The following FAM228B variants were observed in gnomAD, a reference collection of about 807,000 sequenced individuals.
FAM228B encodes protein FAM228B.
In FAM228B, 38 loss-of-function variants were observed where a neutral mutation model predicts 42.6. That is an observed-to-expected ratio of 0.89 (90% CI 0.69 to 1.17). FAM228B has a LOEUF of 1.17. Among genes scored for constraint, FAM228B ranks in the 50% most tolerant of loss-of-function variants. FAM228B has a pLI of 0.00. For synonymous variants in FAM228B, 109 were observed against 122.3 expected (o/e 0.89, Z 0.72); for missense variants, 344 against 367.3 (o/e 0.94, Z 0.52).
At chr2:24,136,684 C>G (rs1573767516) in intron 3 of FAM228B, among the ~76,000 whole-genome samples, 1 of 152,102 alleles carries the variant, frequency 6.6e-6, no homozygotes, top group African/African-American at 2.4e-5. Context: ...TCTTAAAGGC[C>G]CAGCCCAAAT....
intron 2 of FAM228B, among the ~76,000 whole-genome samples, chr2:24,127,859 C>T (rs1268208088): frequency 6.6e-6 from 1 of 152,152 alleles, no homozygotes; most frequent in Non-Finnish European, 1.5e-5. Flanking sequence ...GTTGAGGTTT[C>T]ACCATGTTGG....
At chr2:24,149,204 T>G (rs1666965670) in intron 7 of FAM228B, among the ~76,000 whole-genome samples, 1 of 152,216 alleles carries the variant, frequency 6.6e-6, no homozygotes, top group Non-Finnish European at 1.5e-5. Flanking sequence ...AGATATCTTT[T>G]CAATAGACTG....
chr2:24,083,212 C>T, intron 2 of FAM228B: 1 of 1,489,502 alleles, frequency 6.7e-7, no homozygotes, highest in Non-Finnish European at 8.9e-7. Flanking sequence ...TGTCACTACC[C>T]CTGGCCCCCC....
intron 3 of FAM228B, among the ~76,000 whole-genome samples, chr2:24,106,160 G>A (rs1582614): frequency 1 from 152,187 of 152,196 alleles, 76,089 homozygotes; most frequent in Middle Eastern, 1. Context: ...ACACATAATC[G>A]TCAGATTCTC....
chr2:24,121,100 C>A, upstream of FAM228B: 3 of 1,590,252 alleles, frequency 1.9e-6, no homozygotes, highest in Admixed American at 1.7e-5. Flanking sequence ...TCAGGCAGAG[C>A]AAGGAAATTT....
intron 9 of FAM228B, among the ~76,000 whole-genome samples, chr2:24,165,133 T>A (rs959012354): frequency 6.6e-6 from 1 of 152,172 alleles, no homozygotes; most frequent in Admixed American, 6.5e-5. Context: ...AATGGGAATT[T>A]CTTGCATTTG....
intron 2 of FAM228B, among the ~76,000 whole-genome samples, chr2:24,132,395 A>G (rs1025799971): frequency 6.6e-6 from 1 of 151,170 alleles, no homozygotes; most frequent in East Asian, 1.9e-4. Context: ...TAGTTTCAGA[A>G]GGAATGGTAC....
intron 7 of FAM228B, among the ~76,000 whole-genome samples, chr2:24,147,534 A>T (rs1306620133): frequency 6.6e-6 from 1 of 151,910 alleles, no homozygotes; most frequent in East Asian, 1.9e-4. Flanking sequence ...AGATCACTTG[A>T]TGATGTCTCA....
intron 2 of FAM228B, among the ~76,000 whole-genome samples, chr2:24,133,647 G>A (rs759081040): frequency 6.6e-6 from 1 of 152,166 alleles, no homozygotes; most frequent in Non-Finnish European, 1.5e-5. Context: ...TGGAACATTT[G>A]TTATAAAAAT....
At chr2:24,087,889 C>T (rs1251906654) in intron 2 of FAM228B, among the ~76,000 whole-genome samples, 1 of 151,808 alleles carries the variant, frequency 6.6e-6, no homozygotes, top group Non-Finnish European at 1.5e-5. Flanking sequence ...CTGCCACGCC[C>T]AGCTAATTTT....
upstream of FAM228B, chr2:24,121,173 TA>T: frequency 6.2e-7 from 1 of 1,614,060 alleles, no homozygotes; most frequent in South Asian, 1.1e-5. Context: ...ATTTTTGGCA[TA>T]AAGAGAATAT....
At chr2:24,121,296 G>GTTCGGACA (rs1558379196), upstream of FAM228B, 1 of 1,613,964 alleles carries the variant, frequency 6.2e-7, no homozygotes, top group Admixed American at 1.7e-5. Flanking sequence ...ATCACTGGGC[G>GTTCGGACA]TTACCTGGAG....
upstream of FAM228B, chr2:24,122,506 G>A: frequency 6.2e-7 from 1 of 1,614,002 alleles, no homozygotes; most frequent in Non-Finnish European, 8.5e-7. Context: ...CCAAGAGGGT[G>A]TCTAACAATA....
At chr2:24,092,303 A>G (rs979611818) in intron 2 of FAM228B, among the ~76,000 whole-genome samples, 1 of 150,466 alleles carries the variant, frequency 6.6e-6, no homozygotes, top group Admixed American at 6.7e-5. Flanking sequence ...AGCCAAGCAT[A>G]GTGGCTCAGG....
At chr2:24,139,599 A>G (rs566962294) in intron 5 of FAM228B, 149 bp downstream of exon 5, 8 of 443,724 alleles carry the variant, frequency 1.8e-5, no homozygotes, top group African/African-American at 1.6e-4. Flanking sequence ...GAAAGGAACA[A>G]AAAGCCAAAG....
intron 2 of FAM228B, among the ~76,000 whole-genome samples, chr2:24,091,108 A>G (rs1401815245): frequency 6.6e-6 from 1 of 152,244 alleles, no homozygotes; most frequent in Non-Finnish European, 1.5e-5. Flanking sequence ...AAAGTGATAA[A>G]ACAGCCTCCT....
chr2:24,107,632 A>C (rs1665722970), intron 3 of FAM228B, among the ~76,000 whole-genome samples: 1 of 152,234 alleles, frequency 6.6e-6, no homozygotes, highest in Admixed American at 6.5e-5. Flanking sequence ...AAATCATTGA[A>C]ATCACACAAT....
At chr2:24,131,653 T>C (rs781150212) in intron 2 of FAM228B, among the ~76,000 whole-genome samples, 2 of 152,190 alleles carry the variant, frequency 1.3e-5, no homozygotes, top group Non-Finnish European at 2.9e-5. Flanking sequence ...GTATAGGGAA[T>C]GTTTGTGATT....
At chr2:24,137,101 A>G (rs1269493840) in intron 3 of FAM228B, among the ~76,000 whole-genome samples, 2 of 152,236 alleles carry the variant, frequency 1.3e-5, no homozygotes, top group African/African-American at 2.4e-5. Context: ...ATGTTTCAGA[A>G]CTTCATTCCT....
Sources: gnomAD v4.1 joint callset for allele counts (sites outside exome capture counted in the v4.1 genomes callset) on GRCh38, gnomAD v4.1.1 for gene constraint, MANE v1.5 for transcripts, NCBI Gene and HGNC (gene_info 2026-07-23, HGNC 2026-07-21) for gene names.